Variants in PLEKHA5 observed in about 807,000 individuals in gnomAD.
The protein encoded by PLEKHA5 is pleckstrin homology domain containing A5.
Under a neutral mutation model 181.9 loss-of-function variants are expected in PLEKHA5, and 55 were observed. That is an observed-to-expected ratio of 0.30 (90% CI 0.24 to 0.38). PLEKHA5 has a LOEUF of 0.38. Among genes scored for constraint, PLEKHA5 ranks in the 10% least tolerant of loss-of-function variants. The pLI is 1.00. For missense variants in PLEKHA5, 1,432 were observed against 1,549.5 expected (o/e 0.92, Z 1.27); for synonymous variants, 535 against 529.4 (o/e 1.01, Z -0.15).
At chr12:19,304,653 A>G (rs2082611817) in intron 15 of PLEKHA5, among the ~76,000 whole-genome samples, 1 of 152,168 alleles carries the variant, frequency 6.6e-6, no homozygotes, top group Non-Finnish European at 1.5e-5. Flanking sequence ...AACAAAGTAC[A>G]ATACTCAAGG....
chr12:19,303,311 A>G (rs1212363196), intron 15 of PLEKHA5, among the ~76,000 whole-genome samples: 1 of 152,146 alleles, frequency 6.6e-6, no homozygotes, highest in African/African-American at 2.4e-5. Context: ...GATGAATTAT[A>G]TGAATGACCA....
Position 19,287,616 on chromosome 12 carries a change from A to G in PLEKHA5, c.1863+60A>G, listed in dbSNP as rs1266585735. 4.4e-6 allele frequency: 4 copies of G among 902,056 alleles called. No individual in the cohort carries two copies. The Admixed American group carries it at 6.9e-5, about 16-fold the overall frequency. The allele number at this position is 902,056 out of a possible 1,614,324, so 55.9% of individuals were successfully genotyped here. On this transcript the variant is annotated intron_variant, in intron 13 of 31. Transcript: ENST00000429027. ...ATTTATGTGCTGCACAGGAAGGTACATATCTAACATAATTTTTAAGTTTGA... is the reference window on the plus strand; with the variant it reads ...ATTTATGTGCTGCACAGGAAGGTACGTATCTAACATAATTTTTAAGTTTGA...
At chr12:19,309,120 T>A (rs1176925286) in intron 15 of PLEKHA5, among the ~76,000 whole-genome samples, 2 of 151,960 alleles carry the variant, frequency 1.3e-5, no homozygotes, top group African/African-American at 4.8e-5. Flanking sequence ...GTAGCAAAAT[T>A]TTTGTGATTT....
intron 10 of PLEKHA5, among the ~76,000 whole-genome samples, chr12:19,271,363 G>A (rs1346012088): frequency 6.6e-6 from 1 of 151,988 alleles, no homozygotes; most frequent in East Asian, 1.9e-4. Context: ...AAATTAGCTG[G>A]GCGTAGTACC....
chr12:19,254,072 T>C (rs747908299), intron 4 of PLEKHA5, 49 bp downstream of exon 4: 12 of 1,041,294 alleles, frequency 1.2e-5, no homozygotes, highest in African/African-American at 6.4e-5. Context: ...TGGGTTAGCA[T>C]TGAAATTGCT....
At chr12:19,228,702 T>G (rs1159608827) in intron 3 of PLEKHA5, among the ~76,000 whole-genome samples, 4 of 152,350 alleles carry the variant, frequency 2.6e-5, no homozygotes, top group Middle Eastern at 6.8e-3. Context: ...TCTAATATTC[T>G]CACTTGTATT....
intron 3 of PLEKHA5, chr12:19,150,930 T>C (rs2040228521): frequency 6.6e-6 from 1 of 152,278 alleles, no homozygotes; most frequent in South Asian, 2.1e-4. Context: ...AAAAGTGATC[T>C]GATAGATTGG....
intron 20 of PLEKHA5, among the ~76,000 whole-genome samples, chr12:19,332,204 T>G (rs200576167): frequency 6.6e-6 from 1 of 151,680 alleles, no homozygotes; most frequent in Non-Finnish European, 1.5e-5. Context: ...AGCCCAGGAG[T>G]TCAAGGCTGC....
chr12:19,261,022 G>A lies in PLEKHA5; in HGVS notation c.610+1G>A. On this transcript the variant is annotated splice_donor_variant, in intron 7 of 31. Transcript: ENST00000429027. LOFTEE classifies it high-confidence loss of function. ...GACCTTTGCCTCTTTTATTATAGAG[G>A]TAAGTTTACCCTACTGTCTTAGTGT... is the stretch of plus-strand genomic sequence containing the variant. The A allele has an allele frequency of 6.4e-7, 1 of 1,562,338 alleles. No individual in the cohort carries two copies. The highest frequency in any genetic ancestry group is 8.8e-7 in the Non-Finnish European group (1 of 1,137,340).
At chr12:19,189,006 A>G (rs1304968736) in intron 3 of PLEKHA5, among the ~76,000 whole-genome samples, 1 of 152,222 alleles carries the variant, frequency 6.6e-6, no homozygotes, top group Non-Finnish European at 1.5e-5. Context: ...TAGAGCAAAG[A>G]TAGACATTAG....
At chr12:19,299,204 ATTAAAG>A (rs1158743553) in intron 15 of PLEKHA5, among the ~76,000 whole-genome samples, 1 of 152,256 alleles carries the variant, frequency 6.6e-6, no homozygotes, top group African/African-American at 2.4e-5. Context: ...ATCAGCATGT[ATTAAAG>A]TTAAACTGAT....
chr12:19,272,319 A>G (rs2073129466), intron 10 of PLEKHA5, among the ~76,000 whole-genome samples: 1 of 152,188 alleles, frequency 6.6e-6, no homozygotes, highest in Non-Finnish European at 1.5e-5. Context: ...ATGGTACCTT[A>G]GCATACTTTT....
At chr12:19,356,480 C>T (rs1328554098) in intron 26 of PLEKHA5, among the ~76,000 whole-genome samples, 2 of 151,800 alleles carry the variant, frequency 1.3e-5, no homozygotes, top group African/African-American at 4.8e-5. Context: ...CTCCACTGCA[C>T]CCCAGCCTAG....
At chr12:19,297,180 A>G (rs1193243000) in intron 15 of PLEKHA5, among the ~76,000 whole-genome samples, 2 of 152,126 alleles carry the variant, frequency 1.3e-5, no homozygotes, top group Non-Finnish European at 2.9e-5. Flanking sequence ...TAAACCAAAC[A>G]TGTACCAACC....
chr12:19,324,763 T>C (rs925753788), intron 20 of PLEKHA5, among the ~76,000 whole-genome samples: 2 of 151,990 alleles, frequency 1.3e-5, no homozygotes, highest in African/African-American at 4.8e-5. Context: ...AAGGAGGAAA[T>C]AGAACTAACA....
chr12:19,325,226 T>C (rs979445316), intron 20 of PLEKHA5, among the ~76,000 whole-genome samples: 1 of 151,626 alleles, frequency 6.6e-6, no homozygotes, highest in African/African-American at 2.4e-5. Flanking sequence ...ACCCTATCTC[T>C]ACAAGAAACA....
At chr12:19,347,747 G>A (rs1319388943) in intron 24 of PLEKHA5, among the ~76,000 whole-genome samples, 3 of 152,130 alleles carry the variant, frequency 2.0e-5, no homozygotes, top group African/African-American at 7.2e-5. Context: ...TCTGTGACAG[G>A]AATTTTAGTG....
intron 3 of PLEKHA5, among the ~76,000 whole-genome samples, chr12:19,181,610 A>G (rs1225721960): frequency 1.3e-5 from 2 of 152,166 alleles, no homozygotes; most frequent in African/African-American, 4.8e-5. Flanking sequence ...CCCCGTCTCT[A>G]CTAAAAATAC....
Position 19,306,905 on chromosome 12 carries a change from C to T in PLEKHA5, c.2038-7909C>T, listed in dbSNP as rs576456224. 1.1e-3 allele frequency: 924 copies of T among 822,560 alleles called. 15 individuals carry two copies. The highest frequency in any genetic ancestry group is 9.5e-3 in the South Asian group (630 of 66,574). 51.0% of individuals were successfully genotyped at this position (822,560 alleles called of 1,614,324 possible). A position where few individuals can be genotyped will look rare whatever the true frequency, so the allele number is the denominator to read the frequency against. On this transcript the variant is annotated intron_variant, in intron 15 of 31. Coordinates refer to ENST00000429027, the MANE Select transcript of PLEKHA5 (RefSeq NM_001256470.2). ...TAAGGCTAAGGCTTGTCTCTGTTGG[C>T]ACCAGCTAATGCAATGGCAGGTCTT...
Sources: allele counts gnomAD v4.1 joint callset (sites outside exome capture counted in the v4.1 genomes callset), GRCh38; gene constraint gnomAD v4.1.1; transcripts MANE v1.5; gene names NCBI Gene and HGNC (gene_info 2026-07-23, HGNC 2026-07-21).